CRYBG1: variants seen among roughly 807,000 people sequenced by gnomAD.
CRYBG1 encodes the protein crystallin beta-gamma domain containing 1, also known as beta/gamma crystallin domain-containing protein 1.
CRYBG1 carries 139 observed loss-of-function variants against 189.2 expected under a neutral mutation model. The observed-to-expected ratio is 0.73, with a 90% confidence interval of 0.64 to 0.85. CRYBG1 has a LOEUF of 0.85. Ranked by LOEUF, CRYBG1 falls within the 40% of genes least tolerant of loss-of-function variation. The pLI is 0.00. For missense variants in CRYBG1, 2,611 were observed against 2,675.8 expected, an observed-to-expected ratio of 0.98 and a Z score of 0.53; for synonymous variants, 1,023 against 1,017.1, an observed-to-expected ratio of 1.01 and a Z score of -0.11.
intron 2 of CRYBG1, among the ~76,000 whole-genome samples, chr6:106,491,486 G>T (rs1412504112): frequency 6.6e-6 from 1 of 152,122 alleles, no homozygotes; most frequent in Non-Finnish European, 1.5e-5. Flanking sequence ...TTTCCACTGA[G>T]AAATATTAAC....
At chr6:106,419,671 A>T (rs1486976227) in intron 1 of CRYBG1, among the ~76,000 whole-genome samples, 1 of 152,172 alleles carries the variant, frequency 6.6e-6, no homozygotes, top group Non-Finnish European at 1.5e-5. Context: ...GGCGTGAGCC[A>T]CCCCACCTGG....
chr6:106,462,477 G>C (rs1333448289), intron 2 of CRYBG1, among the ~76,000 whole-genome samples: 1 of 152,204 alleles, frequency 6.6e-6, no homozygotes, highest in African/African-American at 2.4e-5. Context: ...GTTTTAAACA[G>C]TGTTTTTGCA....
rs1441622960 is a variant in CRYBG1 at position 106,517,339 on chromosome 6, T to C, written c.1923-1792T>C. On this transcript the variant is annotated intron_variant, in intron 3 of 21. Coordinates refer to ENST00000633556, the MANE Select transcript of CRYBG1 (RefSeq NM_001371242.2). The stretch of plus-strand genomic sequence containing the variant: ...ACACATATATATATACACATATATA[T>C]ATACACACACATATATATATACACA... Among the ~76,000 whole-genome samples the C allele has an allele frequency of 1.9e-3, 244 of 127,604 alleles. 4 individuals carry two copies. Among genetic ancestry groups the C allele is most frequent in the African/African-American group, 6.8e-3 (233 of 34,168 alleles). The allele number at this position is 127,604 out of a possible 152,430, so 83.7% of individuals were successfully genotyped here.
chr6:106,480,965 TGTC>T (rs1468020957), intron 2 of CRYBG1, among the ~76,000 whole-genome samples: 1 of 64,278 alleles, frequency 1.6e-5, no homozygotes, highest in Non-Finnish European at 2.6e-5. Context: ...AGTGAGACTC[TGTC>T]TTTTTTTTTT....
intron 14 of CRYBG1, 74 bp downstream of exon 14, chr6:106,552,052 G>A: frequency 1.4e-6 from 2 of 1,458,332 alleles, no homozygotes; most frequent in Admixed American, 4.0e-5. Context: ...CCTGGTTCAT[G>A]TAATAGTAAT....
At chr6:106,396,990 T>A (rs527901148) in intron 1 of CRYBG1, among the ~76,000 whole-genome samples, 1 of 152,372 alleles carries the variant, frequency 6.6e-6, no homozygotes, top group South Asian at 2.1e-4. Flanking sequence ...AATACATGGA[T>A]GTTTTTGATT....
In CRYBG1 at chr6:106,541,658, G is replaced by A. The variant is rs745380330; in HGVS notation, c.4881+37G>A. On this transcript the variant is annotated intron_variant, in intron 10 of 21. Transcript: ENST00000633556. ...TATGTATTTTTGTATGTATGTATATGTAATTATTTAAACATATACACATAT... is the reference window on the plus strand; with the variant it reads ...TATGTATTTTTGTATGTATGTATATATAATTATTTAAACATATACACATAT... The A allele has an allele frequency of 9.9e-6, 14 of 1,407,596 alleles. No individual in the cohort carries two copies. In the African/African-American group the frequency reaches 1.7e-4, roughly 17 times the overall value. The allele number at this position is 1,407,596 out of a possible 1,614,324, so 87.2% of individuals were successfully genotyped here.
chr6:106,383,188 T>G (rs913081744), intron 1 of CRYBG1, among the ~76,000 whole-genome samples: 16 of 152,206 alleles, frequency 1.1e-4, no homozygotes. Flanking sequence ...CAAAATGTGT[T>G]AAATATCCAA....
chr6:106,538,921 G>C (rs1275733237), intron 8 of CRYBG1, among the ~76,000 whole-genome samples: 2 of 151,494 alleles, frequency 1.3e-5, no homozygotes, highest in Admixed American at 1.3e-4. Context: ...TTAGGAACCT[G>C]GTTCTGGAAT....
chr6:106,535,016 G>A (rs1773966936), intron 8 of CRYBG1, among the ~76,000 whole-genome samples: 2 of 152,142 alleles, frequency 1.3e-5, no homozygotes, highest in Admixed American at 1.3e-4. Context: ...CTAAAGTCAA[G>A]GGACTTCTTT....
chr6:106,489,775 A>T (rs1337561588), intron 2 of CRYBG1, among the ~76,000 whole-genome samples: 1 of 144,116 alleles, frequency 6.9e-6, no homozygotes, highest in Non-Finnish European at 1.5e-5. Context: ...CCTGGGTGAC[A>T]GACTCTGTGT....
intron 3 of CRYBG1, among the ~76,000 whole-genome samples, chr6:106,514,670 C>G (rs1773378821): frequency 6.6e-6 from 1 of 152,186 alleles, no homozygotes; most frequent in African/African-American, 2.4e-5. Context: ...GTTCACCTGT[C>G]TTCCAATTAG....
chr6:106,408,999 C>A (rs1434207731), intron 1 of CRYBG1, among the ~76,000 whole-genome samples: 1 of 152,180 alleles, frequency 6.6e-6, no homozygotes, highest in East Asian at 1.9e-4. Flanking sequence ...TCCTATTCAA[C>A]ATAGTGTTGG....
intron 2 of CRYBG1, among the ~76,000 whole-genome samples, chr6:106,489,576 T>C (rs1426131299): frequency 4.0e-5 from 6 of 151,434 alleles, no homozygotes; most frequent in Non-Finnish European, 8.8e-5. Context: ...CCCAGCACTT[T>C]GGGAGGCCGA....
At chr6:106,410,868 A>T (rs1246591240) in intron 1 of CRYBG1, among the ~76,000 whole-genome samples, 2 of 151,796 alleles carry the variant, frequency 1.3e-5, no homozygotes, top group Non-Finnish European at 2.9e-5. Context: ...TGGGGTGGGG[A>T]GGCTAGGGGA....
At chr6:106,429,614 G>A (rs1009506660) in intron 1 of CRYBG1, among the ~76,000 whole-genome samples, 2 of 152,188 alleles carry the variant, frequency 1.3e-5, no homozygotes, top group African/African-American at 4.8e-5. Context: ...TATTAAAGGT[G>A]GAGGCCTTAT....
intron 1 of CRYBG1, among the ~76,000 whole-genome samples, chr6:106,435,596 AATTAATTAT>A (rs1229031317): frequency 6.7e-6 from 1 of 148,852 alleles, no homozygotes; most frequent in Admixed American, 6.7e-5. Flanking sequence ...TTAATTAATT[AATTAATTAT>A]ATTTATTTAT....
chr6:106,417,800 G>A (rs567003217), intron 1 of CRYBG1, among the ~76,000 whole-genome samples: 15 of 152,370 alleles, frequency 9.8e-5, no homozygotes, highest in African/African-American at 2.9e-4. Flanking sequence ...AGCCAGACCA[G>A]GAGTGTCACC....
Position 106,519,561 on chromosome 6 carries a change from G to A in CRYBG1, c.2353G>A (p.Asp785Asn). The A allele has an allele frequency of 6.2e-7, 1 of 1,614,184 alleles. No homozygotes were observed. Among genetic ancestry groups the A allele is most frequent in the African/African-American group, 1.3e-5 (1 of 75,040 alleles). The change falls in exon 4 of 22, where the codon GAT becomes AAT. Residue 785 changes from aspartate (D) to asparagine (N), a missense_variant. This residue lies in a region of CRYBG1 where 1,622 missense variants were observed against 1,735.0 expected (regional missense o/e 0.93). Coordinates refer to ENST00000633556, the MANE Select transcript of CRYBG1 (RefSeq NM_001371242.2). The part of the protein sequence containing the change: ...QALGPQPNQD[D>N]KADVQTDAGC... Reference sequence around the variant, plus strand: ...TCTTGGTCCTCAGCCTAACCAAGATGATAAAGCAGATGTACAAACAGATGC... The same window carrying A: ...TCTTGGTCCTCAGCCTAACCAAGATAATAAAGCAGATGTACAAACAGATGC...
Sources: gnomAD v4.1 joint callset for allele counts (sites outside exome capture counted in the v4.1 genomes callset) on GRCh38, gnomAD v4.1.1 for gene constraint, gnomAD v4.1.1 regional missense constraint, MANE v1.5 for transcripts, NCBI Gene and HGNC (gene_info 2026-07-23, HGNC 2026-07-21) for gene names.